STXBP6: variants seen among roughly 807,000 people sequenced by gnomAD.
STXBP6 encodes the protein syntaxin binding protein 6, also known as syntaxin-binding protein 6.
STXBP6 carries 21 observed loss-of-function variants against 26.9 expected under a neutral mutation model. That is an observed-to-expected ratio of 0.78 (90% CI 0.55 to 1.12). The LOEUF (loss-of-function observed/expected upper bound fraction) is 1.12, where lower values mean the gene tolerates loss of function less well. STXBP6 is among the 50% of genes most tolerant of loss of function. The pLI, the probability that STXBP6 is intolerant of heterozygous loss-of-function variation, is 0.00. For synonymous variants in STXBP6, 97 were observed against 92.6 expected, an observed-to-expected ratio of 1.05 and a Z score of -0.27; for missense variants, 232 against 257.9, an observed-to-expected ratio of 0.90 and a Z score of 0.69.
At chr14:25,003,390 A>G (rs1418592885) in intron 1 of STXBP6, among the ~76,000 whole-genome samples, 3 of 152,166 alleles carry the variant, frequency 2.0e-5, no homozygotes, top group African/African-American at 7.2e-5. Flanking sequence ...TGCTTTTAGG[A>G]AGAAGCATAA....
At chr14:24,847,021 A>G (rs1397995628) in intron 4 of STXBP6, among the ~76,000 whole-genome samples, 1 of 152,176 alleles carries the variant, frequency 6.6e-6, no homozygotes. Context: ...GAATAGGACT[A>G]TAGCCTTCAA....
chr14:24,983,008 C>A (rs1246174541), intron 1 of STXBP6, among the ~76,000 whole-genome samples: 1 of 152,148 alleles, frequency 6.6e-6, no homozygotes, highest in East Asian at 1.9e-4. Context: ...AATAGGAACT[C>A]CACATTCACA....
chr14:24,898,980 G>T (rs1238347775), intron 2 of STXBP6, among the ~76,000 whole-genome samples: 1 of 152,020 alleles, frequency 6.6e-6, no homozygotes, highest in East Asian at 1.9e-4. Context: ...TTGCTGATCA[G>T]CTTGGCCTTC....
chr14:24,810,063 C>G lies in STXBP6; in HGVS notation c.*2646G>C, dbSNP rs2067777674. The G allele has an allele frequency of 6.6e-6, 1 of 152,194 alleles. No individual in the cohort carries two copies. The highest frequency in any genetic ancestry group is 2.4e-5 in the African/African-American group (1 of 41,446). The allele number at this position is 152,194 out of a possible 1,614,324, so 9.4% of individuals were successfully genotyped here. On this transcript the variant is annotated 3_prime_UTR_variant, in exon 6 of 6. Transcript: ENST00000323944. ...ATTAACCTGAATAACTGCATACTTTCTGTACACAGGTATCTAATAATACTA... is the reference window on the plus strand; with the variant it reads ...ATTAACCTGAATAACTGCATACTTTGTGTACACAGGTATCTAATAATACTA...
At chr14:24,893,106 TC>T (rs945133586) in intron 2 of STXBP6, among the ~76,000 whole-genome samples, 12 of 152,300 alleles carry the variant, frequency 7.9e-5, no homozygotes, top group African/African-American at 2.9e-4. Flanking sequence ...TGGTAGTAGA[TC>T]CCAGAGACTC....
chr14:24,878,983 T>C (rs1208924331), intron 2 of STXBP6, among the ~76,000 whole-genome samples: 1 of 152,194 alleles, frequency 6.6e-6, no homozygotes, highest in Non-Finnish European at 1.5e-5. Context: ...GCCTTAAACA[T>C]GTTTAAATTA....
At position 25,041,808 on chromosome 14, in the gene STXBP6, T is replaced by G. The variant is rs150786170; in HGVS notation, c.-33+8070A>C. Reference sequence around the variant, plus strand: ...AAATATCTTATCTTTGATTACCTGATGTCGATGCAACAGCAGTTCAAATGC... The same window carrying G: ...AAATATCTTATCTTTGATTACCTGAGGTCGATGCAACAGCAGTTCAAATGC... On this transcript the variant is annotated intron_variant, in intron 1 of 5. Coordinates refer to ENST00000323944, the MANE Select transcript of STXBP6 (RefSeq NM_001394410.1). 4.2e-3 allele frequency among the ~76,000 whole-genome samples: 637 copies of G among 152,354 alleles called. 4 individuals carry two copies. The highest frequency in any genetic ancestry group is 0.014 in the African/African-American group (578 of 41,586).
chr14:25,012,073 G>T (rs1417887447), intron 1 of STXBP6, among the ~76,000 whole-genome samples: 3 of 152,100 alleles, frequency 2.0e-5, no homozygotes, highest in Non-Finnish European at 2.9e-5. Flanking sequence ...TCTCAGATTT[G>T]ACTAGAGTCA....
chr14:24,890,143 C>T (rs2070738037), intron 2 of STXBP6, among the ~76,000 whole-genome samples: 1 of 152,274 alleles, frequency 6.6e-6, no homozygotes, highest in Admixed American at 6.5e-5. Context: ...CTTGACCTCA[C>T]AGAGCTAGTG....
intron 2 of STXBP6, among the ~76,000 whole-genome samples, chr14:24,872,674 C>T (rs1011769488): frequency 5.9e-5 from 9 of 152,296 alleles, no homozygotes; most frequent in Non-Finnish European, 1.0e-4. Flanking sequence ...GGAGATGCCA[C>T]GGTCCACCCA....
chr14:24,923,995 T>G (rs1209818618), intron 2 of STXBP6, among the ~76,000 whole-genome samples: 2 of 152,148 alleles, frequency 1.3e-5, no homozygotes, highest in Admixed American at 6.5e-5. Context: ...CTGATAAAAA[T>G]AAGAACCAAT....
chr14:24,853,181 G>A (rs530169132), intron 4 of STXBP6, among the ~76,000 whole-genome samples: 6 of 152,042 alleles, frequency 3.9e-5, no homozygotes, highest in Admixed American at 6.6e-5. Flanking sequence ...AAGATACTGT[G>A]AAACTGGCAA....
At chr14:24,864,825 C>G (rs1455903650) in intron 2 of STXBP6, among the ~76,000 whole-genome samples, 1 of 152,118 alleles carries the variant, frequency 6.6e-6, no homozygotes, top group African/African-American at 2.4e-5. Flanking sequence ...CCTGCCTCCT[C>G]ACCACCACCA....
rs562912510 is a variant in STXBP6, at chr14:24,844,960, A to G, written c.451+10976T>C. On this transcript the variant is annotated intron_variant, in intron 4 of 5. Transcript: ENST00000323944. ...GAGACAGGGAAGAGACATATCAAGG[A>G]AAAGAATGATTTTTAACAAAATCAA... is the stretch of plus-strand genomic sequence containing the variant. Among the ~76,000 whole-genome samples the G allele has an allele frequency of 2.0e-5, 3 of 152,294 alleles. No homozygotes were observed. The South Asian group carries it at 6.2e-4, about 32-fold the overall frequency.
intron 2 of STXBP6, among the ~76,000 whole-genome samples, chr14:24,872,188 C>T (rs2069960864): frequency 6.6e-6 from 1 of 152,092 alleles, no homozygotes; most frequent in African/African-American, 2.4e-5. Flanking sequence ...TAGACACTCT[C>T]TAGTATGAAT....
At chr14:24,941,673 C>T (rs914984924) in intron 2 of STXBP6, among the ~76,000 whole-genome samples, 4 of 152,236 alleles carry the variant, frequency 2.6e-5, no homozygotes, top group Non-Finnish European at 5.9e-5. Context: ...CCTGTACCCA[C>T]TAGCCCATGG....
At chr14:24,896,308 T>C (rs1397865034) in intron 2 of STXBP6, among the ~76,000 whole-genome samples, 1 of 66,872 alleles carries the variant, frequency 1.5e-5, no homozygotes, top group Non-Finnish European at 3.2e-5. Context: ...CTAAGAAACA[T>C]ATATATATAT....
At chr14:24,867,042 A>G (rs949261887) in intron 2 of STXBP6, among the ~76,000 whole-genome samples, 4 of 152,116 alleles carry the variant, frequency 2.6e-5, no homozygotes, top group Non-Finnish European at 5.9e-5. Context: ...GTTGATGGTT[A>G]CTCTGCAAAA....
At chr14:24,916,713 T>C (rs2071783585) in intron 2 of STXBP6, among the ~76,000 whole-genome samples, 1 of 152,056 alleles carries the variant, frequency 6.6e-6, no homozygotes, top group Non-Finnish European at 1.5e-5. Flanking sequence ...CCTGGGGACC[T>C]TAGGTCTTAA....
Sources: gnomAD v4.1 joint callset for allele counts (sites outside exome capture counted in the v4.1 genomes callset) on GRCh38, gnomAD v4.1.1 for gene constraint, MANE v1.5 for transcripts, NCBI Gene and HGNC (gene_info 2026-07-23, HGNC 2026-07-21) for gene names.